The following HERC1 variants were observed in gnomAD, a reference collection of about 807,000 sequenced individuals.
HERC1 encodes the protein probable E3 ubiquitin-protein ligase HERC1.
A neutral mutation model predicts 554.3 loss-of-function variants in HERC1; 160 were observed. The observed-to-expected ratio is 0.29, with a 90% confidence interval of 0.25 to 0.33. The LOEUF (loss-of-function observed/expected upper bound fraction) is 0.33. Among genes scored for constraint, HERC1 ranks in the 10% least tolerant of loss-of-function variants. HERC1 has a pLI of 1.00. For synonymous variants in HERC1, 2,175 were observed against 2,131.7 expected (o/e 1.02, Z -0.56); for missense variants, 4,919 against 5,918.5 (o/e 0.83, Z 5.54).
chr15:63,787,498 G>A (rs2076495879), intron 1 of HERC1, among the ~76,000 whole-genome samples: 2 of 152,068 alleles, frequency 1.3e-5, no homozygotes. Flanking sequence ...GGCAGATAAT[G>A]CTTCCCCAAA....
chr15:63,736,597 T>C (rs556520063), intron 12 of HERC1, among the ~76,000 whole-genome samples: 1 of 144,696 alleles, frequency 6.9e-6, no homozygotes, highest in South Asian at 2.2e-4. Flanking sequence ...CATCAGTCTT[T>C]TAGCATCACA....
intron 71 of HERC1, among the ~76,000 whole-genome samples, chr15:63,624,603 G>A (rs1166504545): frequency 3.3e-5 from 5 of 152,170 alleles, no homozygotes; most frequent in Non-Finnish European, 7.3e-5. Context: ...GCTGAGGTGG[G>A]TGGATCACCT....
intron 1 of HERC1, among the ~76,000 whole-genome samples, chr15:63,800,608 G>A (rs1469928850): frequency 6.6e-6 from 1 of 152,150 alleles, no homozygotes; most frequent in African/African-American, 2.4e-5. Flanking sequence ...TGTGAGATTA[G>A]GTCTCTCCCA....
At position 63,659,923 on chromosome 15, in the gene HERC1, C is replaced by T; in HGVS notation, c.9237G>A (p.Met3079Ile). The change falls in exon 47 of 78, where the codon ATG becomes ATA. Residue 3079 changes from methionine (M) to isoleucine (I), a missense_variant. By Grantham distance (10) the Met-to-Ile change is conservative. Coordinates refer to ENST00000443617, the MANE Select transcript of HERC1 (RefSeq NM_003922.4). ...GCTTTTCATCTTCATCAACATCCAA[C>T]ATGTCCCAGTCTTCTGGAATTTAAA... The part of the protein sequence containing the change: ...QDSVYEEDWD[M>I]LDVDEDEKLT... 1 of 1,609,690 alleles carries T rather than the reference C, an allele frequency of 6.2e-7. No individual in the cohort carries two copies. The highest frequency in any genetic ancestry group is 2.2e-5 in the East Asian group (1 of 44,840).
chr15:63,724,215 T>G (rs995895920), intron 18 of HERC1, among the ~76,000 whole-genome samples: 10 of 152,252 alleles, frequency 6.6e-5, no homozygotes, highest in African/African-American at 2.2e-4. Flanking sequence ...GAGATACTTT[T>G]GTTCTCAGGA....
At chr15:63,741,507 T>C (rs575982282) in intron 12 of HERC1, among the ~76,000 whole-genome samples, 7 of 151,972 alleles carry the variant, frequency 4.6e-5, no homozygotes, top group African/African-American at 1.7e-4. Context: ...GATACGGGGT[T>C]TCACCATGTT....
intron 36 of HERC1, among the ~76,000 whole-genome samples, chr15:63,678,636 T>C (rs986304974): frequency 1.3e-5 from 2 of 152,100 alleles, no homozygotes; most frequent in African/African-American, 2.4e-5. Flanking sequence ...AAGATGAATA[T>C]AGAGACCAAG....
chr15:63,823,985 C>T (rs916364497), intron 1 of HERC1, among the ~76,000 whole-genome samples: 3 of 152,210 alleles, frequency 2.0e-5, no homozygotes, highest in African/African-American at 7.2e-5. Context: ...GATTTTAAGA[C>T]GGGCAAATGA....
Position 63,640,174 on chromosome 15 carries a change from T to A in HERC1, c.11879A>T (p.Glu3960Val). 6.2e-7 allele frequency: 1 copy of A among 1,613,882 alleles called. No homozygotes were observed. The highest frequency in any genetic ancestry group is 1.7e-4 in the Middle Eastern group (1 of 6,060). ...TACCATTAGAAATACAAGTTCATCC[T>A]CTGGAACAGGTTCTAGATCTGGAAC... ...FTVPDLEPVP[E>V]DELVFLMDNS... Residue 3960 changes from glutamate to valine, a missense_variant, in exon 61 of 78, where the codon GAG (glutamate) becomes GTG (valine). Physicochemically the swap from Glu to Val is moderately radical, Grantham distance 121. This residue lies in a region of HERC1 where 1,963 missense variants were observed against 2,228.6 expected (regional missense o/e 0.88). Transcript: ENST00000443617.
At chr15:63,763,187 T>C (rs2075666132) in intron 3 of HERC1, among the ~76,000 whole-genome samples, 2 of 152,200 alleles carry the variant, frequency 1.3e-5, no homozygotes, top group Admixed American at 1.3e-4. Context: ...CCCCACGACC[T>C]GGTGTTGGGT....
chr15:63,713,960 G>A (rs994148465), intron 22 of HERC1, among the ~76,000 whole-genome samples: 38 of 151,822 alleles, frequency 2.5e-4, no homozygotes, highest in African/African-American at 8.2e-4. Flanking sequence ...TTCAACGTAC[G>A]GTCCCAGACC....
chr15:63,738,717 T>C (rs936892520), intron 12 of HERC1, among the ~76,000 whole-genome samples: 1 of 152,202 alleles, frequency 6.6e-6, no homozygotes, highest in African/African-American at 2.4e-5. Context: ...ACAGCCTGTG[T>C]GTAACATCCT....
At chr15:63,697,764 C>T (rs2072507372) in intron 26 of HERC1, among the ~76,000 whole-genome samples, 1 of 152,120 alleles carries the variant, frequency 6.6e-6, no homozygotes, top group African/African-American at 2.4e-5. Context: ...CAATCTTAAT[C>T]ATTTAGTTAA....
intron 71 of HERC1, among the ~76,000 whole-genome samples, chr15:63,625,553 G>T (rs2068266250): frequency 6.6e-6 from 1 of 152,022 alleles, no homozygotes; most frequent in South Asian, 2.1e-4. Flanking sequence ...AATTAGCCAG[G>T]CATGGTGGCC....
At chr15:63,710,331 A>T (rs2073230391) in intron 24 of HERC1, among the ~76,000 whole-genome samples, 1 of 152,220 alleles carries the variant, frequency 6.6e-6, no homozygotes. Context: ...CAAAACTGGA[A>T]AAAGTAGGGG....
rs1405631492 is a variant in HERC1 at position 63,727,557 on chromosome 15, G to C, written c.3346+90C>G. On this transcript the variant is annotated intron_variant, in intron 17 of 77. Coordinates refer to ENST00000443617, the MANE Select transcript of HERC1 (RefSeq NM_003922.4). The surrounding 1 kb of genome is among the most constrained non-coding windows in gnomAD (Gnocchi z 4.3). ...AAATTCCTTTGATAGCCTTAGGATA[G>C]ATAGACTCCAATGGAAAAACACAGT... The C allele has an allele frequency of 3.5e-6, 3 of 864,908 alleles. No homozygotes were observed. Among genetic ancestry groups the C allele is most frequent in the East Asian group, 2.6e-5 (1 of 37,778 alleles). 53.6% of individuals were successfully genotyped at this position (864,908 alleles called of 1,614,324 possible).
intron 10 of HERC1, among the ~76,000 whole-genome samples, chr15:63,748,222 T>A (rs1483064314): frequency 1.3e-5 from 2 of 152,026 alleles, no homozygotes; most frequent in African/African-American, 2.4e-5. Flanking sequence ...TGAGACTCCA[T>A]CTCAAAAAAT....
intron 27 of HERC1, 135 bp downstream of exon 27, chr15:63,695,989 C>T: frequency 1.6e-6 from 1 of 643,108 alleles, no homozygotes. Flanking sequence ...GGAAATGGAA[C>T]CAAGGAGCTA....
intron 27 of HERC1, 143 bp from the exon 28 acceptor site, chr15:63,695,037 T>C (rs988636830): frequency 4.6e-6 from 3 of 651,064 alleles, no homozygotes; most frequent in Non-Finnish European, 6.6e-6. Context: ...ATATAAAGTA[T>C]ATAATAATTT....
Sources: gnomAD v4.1 joint callset for allele counts (sites outside exome capture counted in the v4.1 genomes callset) on GRCh38, gnomAD v4.1.1 for gene constraint, gnomAD v4.1.1 regional missense constraint, Gnocchi (gnomAD v3.1) non-coding constraint, MANE v1.5 for transcripts, NCBI Gene and HGNC (gene_info 2026-07-23, HGNC 2026-07-21) for gene names.